Variants in SUGP1 observed in about 807,000 individuals in gnomAD.
The protein encoded by SUGP1 is SURP and G-patch domain-containing protein 1.
SUGP1 carries 34 observed loss-of-function variants against 76.5 expected under a neutral mutation model. The observed-to-expected ratio is 0.44, with a 90% CI of 0.34 to 0.59. SUGP1 has a LOEUF of 0.59. Among genes scored for constraint, SUGP1 ranks in the 20% least tolerant of loss-of-function variants. SUGP1 has a pLI of 0.01. For missense variants in SUGP1, 752 were observed against 851.7 expected (o/e 0.88, Z 1.46); for synonymous variants, 326 against 326.2 (o/e 1.00, Z 0.01).
chr19:19,314,660 C>T (rs1042772998), intron 2 of SUGP1, among the ~76,000 whole-genome samples: 2 of 152,186 alleles, frequency 1.3e-5, no homozygotes, highest in African/African-American at 4.8e-5. Flanking sequence ...CAAGGAAAGA[C>T]AAGAAATCAC....
chr19:19,320,046 T>C (rs2061429078), intron 1 of SUGP1, among the ~76,000 whole-genome samples: 1 of 152,154 alleles, frequency 6.6e-6, no homozygotes, highest in Admixed American at 6.6e-5. Flanking sequence ...CGCGGGAAAG[T>C]GTGTCAAGGG....
At chr19:19,279,162 T>G (rs1043293297) in intron 10 of SUGP1, 51 bp downstream of exon 10, 2 of 1,507,064 alleles carry the variant, frequency 1.3e-6, no homozygotes, top group African/African-American at 2.7e-5. Flanking sequence ...CCAGGGCAGG[T>G]GAGGGGGGCC....
chr19:19,297,418 T>TCTGGCCTTCTGGGCAGGAGCAGTG, intron 7 of SUGP1, 74 bp from the exon 8 acceptor site: 1 of 1,317,540 alleles, frequency 7.6e-7, no homozygotes. Flanking sequence ...CAGGAGCAGT[T>TCTGGCCTTCTGGGCAGGAGCAGTG]CTGGCCTTGT....
At chr19:19,285,857 A>G (rs1485357737) in intron 8 of SUGP1, among the ~76,000 whole-genome samples, 1 of 152,108 alleles carries the variant, frequency 6.6e-6, no homozygotes, top group African/African-American at 2.4e-5. Context: ...GAGCTACCGT[A>G]CCCGGCCAAG....
intron 8 of SUGP1, among the ~76,000 whole-genome samples, chr19:19,285,025 G>A (rs1251129637): frequency 2.0e-5 from 3 of 148,728 alleles, no homozygotes; most frequent in East Asian, 2.0e-4. Context: ...CCGCCACCGT[G>A]CCTGGCTAAT....
At chr19:19,318,603 T>A (rs2061412330) in intron 1 of SUGP1, among the ~76,000 whole-genome samples, 1 of 152,146 alleles carries the variant, frequency 6.6e-6, no homozygotes, top group Non-Finnish European at 1.5e-5. Flanking sequence ...TATTTTCTTT[T>A]ATTTTTTGTA....
rs1390623999 is a variant in SUGP1 at position 19,277,895 on chromosome 19, G to A, written c.1636-16C>T. The A allele has an allele frequency of 4.3e-6, 7 of 1,612,408 alleles. No homozygotes were observed. Among genetic ancestry groups the A allele is most frequent in the Non-Finnish European group, 5.9e-6 (7 of 1,179,034 alleles). ...CACGGCCCTCCTGCAAGGTGAGGAG[G>A]TAGCTGTCACCCACCAGGGCTGGGG... On this transcript the variant is annotated splice_polypyrimidine_tract_variant and intron_variant, in intron 11 of 13. Coordinates refer to ENST00000247001, the MANE Select transcript of SUGP1 (RefSeq NM_172231.4).
chr19:19,317,265 C>T (rs908889143), intron 1 of SUGP1, among the ~76,000 whole-genome samples: 2 of 151,998 alleles, frequency 1.3e-5, no homozygotes, highest in African/African-American at 4.8e-5. Flanking sequence ...GAAGAGGAGA[C>T]ATTTAAACCA....
At position 19,305,958 on chromosome 19, in the gene SUGP1, C is replaced by T; in HGVS notation, c.429G>A (p.Val143=). ...GCTGCTTGGCGTGGGAGTAGCTCTT[C>T]ACAGGGCCCGGCAGGCTGGCCAGCC... The part of the protein sequence containing the change: ...GLGLASLPGP[V]KSYSHAKQLP... Residue 143 remains valine (V), a synonymous_variant, in exon 4 of 14, where the codon GTG becomes GTA. Coordinates refer to ENST00000247001, the MANE Select transcript of SUGP1 (RefSeq NM_172231.4). 1 of 1,612,854 alleles carries T rather than the reference C, an allele frequency of 6.2e-7. No individual in the cohort carries two copies. The highest frequency in any genetic ancestry group is 8.5e-7 in the Non-Finnish European group (1 of 1,179,906).
intron 5 of SUGP1, 32 bp from the exon 6 acceptor site, chr19:19,303,480 G>T (rs767292710): frequency 1.3e-6 from 2 of 1,579,754 alleles, no homozygotes; most frequent in South Asian, 2.2e-5. Flanking sequence ...GAAGAGAGGG[G>T]AAAATAAGTA....
chr19:19,304,222 A>T (rs2061297433), intron 4 of SUGP1, among the ~76,000 whole-genome samples: 1 of 152,150 alleles, frequency 6.6e-6, no homozygotes, highest in Non-Finnish European at 1.5e-5. Context: ...GTTCTTTTTT[A>T]AAAAATACCA....
At chr19:19,298,875 T>C (rs926062536) in intron 7 of SUGP1, among the ~76,000 whole-genome samples, 1 of 152,100 alleles carries the variant, frequency 6.6e-6, no homozygotes. Context: ...TGCTTCACCC[T>C]GAGTGTCCTC....
At chr19:19,292,389 C>T (rs1235113405) in intron 8 of SUGP1, among the ~76,000 whole-genome samples, 1 of 151,918 alleles carries the variant, frequency 6.6e-6, no homozygotes, top group Non-Finnish European at 1.5e-5. Flanking sequence ...ATACCCAAGG[C>T]AGACAAAGAT....
At chr19:19,317,229 G>A (rs1364555687) in intron 1 of SUGP1, among the ~76,000 whole-genome samples, 1 of 152,026 alleles carries the variant, frequency 6.6e-6, no homozygotes, top group African/African-American at 2.4e-5. Flanking sequence ...ACATATGCAG[G>A]TAGGACAGGC....
At position 19,306,403 on chromosome 19, in the gene SUGP1, C is replaced by T. The variant is rs2061318368; in HGVS notation, c.311-327G>A. On this transcript the variant is annotated intron_variant, in intron 3 of 13. Transcript: ENST00000247001. ...AGTTCTGCCGGGTAAGACCCGAGTC[C>T]CCGAATCCCAGTTTACAACCATTCC... Among the ~76,000 whole-genome samples the T allele has an allele frequency of 2.6e-5, 4 of 152,176 alleles. No homozygotes were observed. The South Asian group carries it at 8.3e-4, about 32-fold the overall frequency.
Position 19,305,926 on chromosome 19 carries a change from A to G in SUGP1, c.461T>C (p.Val154Ala). The G allele has an allele frequency of 6.2e-7, 1 of 1,613,532 alleles. No individual in the cohort carries two copies. Among genetic ancestry groups the G allele is most frequent in the Non-Finnish European group, 8.5e-7 (1 of 1,179,940 alleles). ...CTGGAAGACACTCGGGCGGTGCGCC[A>G]CGGGCAGCTGCTTGGCGTGGGAGTA... ...KSYSHAKQLP[V>A]AHRPSVFQSP... The change falls in exon 4 of 14, where the codon GTG (valine) becomes GCG (alanine). Residue 154 changes from valine (V) to alanine (A), a missense_variant. Physicochemically the swap from Val to Ala is moderately conservative, Grantham distance 64. This residue lies in a region of SUGP1 where 620 missense variants were observed against 617.3 expected (regional missense o/e 1.00). Transcript: ENST00000247001.
intron 2 of SUGP1, among the ~76,000 whole-genome samples, chr19:19,314,915 T>A (rs911468818): frequency 6.6e-6 from 1 of 152,228 alleles, no homozygotes; most frequent in African/African-American, 2.4e-5. Context: ...ATGCCTGTAA[T>A]CCCAGCTACT....
At chr19:19,310,672 T>C (rs1240287000) in intron 2 of SUGP1, among the ~76,000 whole-genome samples, 1 of 151,954 alleles carries the variant, frequency 6.6e-6, no homozygotes, top group South Asian at 2.1e-4. Context: ...GAAACAGAGT[T>C]TTACTCTGTC....
chr19:19,293,764 G>A (rs1473718683), intron 8 of SUGP1, among the ~76,000 whole-genome samples: 4 of 152,198 alleles, frequency 2.6e-5, no homozygotes, highest in East Asian at 1.9e-4. Flanking sequence ...CATTCAATAC[G>A]GTACTAGAAG....
Sources: gnomAD v4.1 joint callset for allele counts (sites outside exome capture counted in the v4.1 genomes callset) on GRCh38, gnomAD v4.1.1 for gene constraint, gnomAD v4.1.1 regional missense constraint, MANE v1.5 for transcripts, NCBI Gene and HGNC (gene_info 2026-07-23, HGNC 2026-07-21) for gene names.